FANCL: variants seen among roughly 807,000 people sequenced by gnomAD.
FANCL encodes the protein FA complementation group L, also known as E3 ubiquitin-protein ligase FANCL.
FANCL carries 69 observed loss-of-function variants against 59.4 expected under a neutral mutation model. The ratio of observed to expected loss-of-function variants is 1.16; its 90% CI spans 0.96 to 1.42. The LOEUF (loss-of-function observed/expected upper bound fraction) is 1.42. FANCL is among the 40% of genes most tolerant of loss of function. FANCL has a pLI of 0.00. For synonymous variants in FANCL, 180 were observed against 147.1 expected (o/e 1.22, Z -1.62); for missense variants, 519 against 447.2 (o/e 1.16, Z -1.45).
chr2:58,234,916 T>C (rs187420612), intron 1 of FANCL, among the ~76,000 whole-genome samples: 1 of 151,974 alleles, frequency 6.6e-6, no homozygotes, highest in East Asian at 1.9e-4. Context: ...GGACAAAACA[T>C]ATGAAACAAT....
chr2:58,163,524 T>C lies in FANCL; in HGVS notation c.692-7A>G. On this transcript the variant is annotated splice_region_variant and splice_polypyrimidine_tract_variant and intron_variant, in intron 8 of 13. Transcript: ENST00000233741. ...TTTATGGAAACATTATTACCTAGAATGAAACAAGATTAAATCTTTTAGAAG... is the reference window on the plus strand; with the variant it reads ...TTTATGGAAACATTATTACCTAGAACGAAACAAGATTAAATCTTTTAGAAG... The C allele has an allele frequency of 1.3e-6, 2 of 1,535,828 alleles. No individual in the cohort carries two copies. Among genetic ancestry groups the C allele is most frequent in the Non-Finnish European group, 1.8e-6 (2 of 1,109,582 alleles).
intron 7 of FANCL, among the ~76,000 whole-genome samples, chr2:58,185,830 A>G (rs1411116159): frequency 2.6e-5 from 4 of 152,202 alleles, no homozygotes; most frequent in East Asian, 1.9e-4. Flanking sequence ...ACTAGGGAAT[A>G]TAATTTTAGT....
At chr2:58,200,181 G>A (rs557199589) in intron 6 of FANCL, among the ~76,000 whole-genome samples, 1 of 151,706 alleles carries the variant, frequency 6.6e-6, no homozygotes, top group Admixed American at 6.6e-5. Context: ...AATATCAGAT[G>A]ATGTGCTTCA....
At chr2:58,165,393 T>C (rs914913783) in intron 8 of FANCL, among the ~76,000 whole-genome samples, 2 of 152,178 alleles carry the variant, frequency 1.3e-5, no homozygotes, top group African/African-American at 4.8e-5. Context: ...AAATGAAGAC[T>C]GCATTATTCT....
intron 7 of FANCL, among the ~76,000 whole-genome samples, chr2:58,177,262 C>G (rs1476129791): frequency 6.6e-6 from 1 of 152,022 alleles, no homozygotes; most frequent in Non-Finnish European, 1.5e-5. Flanking sequence ...ACCATTTGAC[C>G]CAGCCATCCC....
At chr2:58,161,328 T>C (rs1437388228) in intron 12 of FANCL, among the ~76,000 whole-genome samples, 194 bp downstream of exon 12, 1 of 151,928 alleles carries the variant, frequency 6.6e-6, no homozygotes, top group African/African-American at 2.4e-5. Flanking sequence ...CTTCAGAACA[T>C]TTCTCCACTC....
intron 1 of FANCL, among the ~76,000 whole-genome samples, chr2:58,239,045 C>T (rs1011463921): frequency 3.3e-5 from 5 of 152,104 alleles, no homozygotes; most frequent in African/African-American, 1.2e-4. Context: ...GCAGGCAATG[C>T]TACTCCTTAT....
At chr2:58,200,885 C>A (rs984465162) in intron 6 of FANCL, among the ~76,000 whole-genome samples, 6 of 151,314 alleles carry the variant, frequency 4.0e-5, no homozygotes, top group Non-Finnish European at 8.9e-5. Context: ...TTAGACTGAT[C>A]TTTATGCAAG....
intron 5 of FANCL, among the ~76,000 whole-genome samples, chr2:58,210,581 T>C (rs1257012877): frequency 6.6e-6 from 1 of 152,136 alleles, no homozygotes; most frequent in Non-Finnish European, 1.5e-5. Flanking sequence ...TCTTAACTTA[T>C]TTCATCATTA....
At chr2:58,234,786 A>C (rs1050302521) in intron 1 of FANCL, among the ~76,000 whole-genome samples, 20 of 152,076 alleles carry the variant, frequency 1.3e-4, no homozygotes, top group African/African-American at 4.3e-4. Flanking sequence ...AGACTTCTTA[A>C]AGCAAATTAA....
intron 5 of FANCL, among the ~76,000 whole-genome samples, chr2:58,211,073 C>T (rs1006948327): frequency 6.6e-6 from 1 of 152,220 alleles, no homozygotes; most frequent in Non-Finnish European, 1.5e-5. Flanking sequence ...TCAGTAGGGA[C>T]TCTGTGTGGG....
At chr2:58,234,638 G>A (rs1693853181) in intron 1 of FANCL, among the ~76,000 whole-genome samples, 1 of 151,936 alleles carries the variant, frequency 6.6e-6, no homozygotes, top group Non-Finnish European at 1.5e-5. Context: ...AAAGGGATAA[G>A]TGGCCACATG....
intron 7 of FANCL, among the ~76,000 whole-genome samples, chr2:58,186,350 A>G (rs1438451379): frequency 1.3e-5 from 2 of 152,160 alleles, no homozygotes; most frequent in Non-Finnish European, 2.9e-5. Context: ...CTTCATCTGT[A>G]GCATACAACA....
intron 3 of FANCL, 84 bp from the exon 4 acceptor site, chr2:58,226,868 G>A: frequency 8.7e-7 from 1 of 1,151,134 alleles, no homozygotes; most frequent in Non-Finnish European, 1.3e-6. Flanking sequence ...AGGCCCAAGT[G>A]AATGTGAAAA....
intron 7 of FANCL, among the ~76,000 whole-genome samples, chr2:58,177,140 G>A (rs563783128): frequency 6.6e-5 from 10 of 152,282 alleles, no homozygotes; most frequent in African/African-American, 2.4e-4. Flanking sequence ...AACAGGTGCT[G>A]GAGAGGATGT....
At chr2:58,188,385 T>G (rs762415491) in intron 7 of FANCL, among the ~76,000 whole-genome samples, 1 of 152,152 alleles carries the variant, frequency 6.6e-6, no homozygotes, top group Non-Finnish European at 1.5e-5. Context: ...CACAGGACCT[T>G]TGCAGCCTTT....
chr2:58,159,707 A>T lies in FANCL; in HGVS notation c.*58T>A, dbSNP rs1214043334. The T allele has an allele frequency of 6.2e-7, 1 of 1,612,028 alleles. No homozygotes were observed. The highest frequency in any genetic ancestry group is 1.3e-5 in the African/African-American group (1 of 74,694). On this transcript the variant is annotated 3_prime_UTR_variant, in exon 14 of 14. Transcript: ENST00000233741. ...TTTTTTCTCTGAAGATGATACCAAAATTCCTTTTGATAATTTTTTAAGTTT... is the reference window on the plus strand; with the variant it reads ...TTTTTTCTCTGAAGATGATACCAAATTTCCTTTTGATAATTTTTTAAGTTT...
chr2:58,170,926 G>A (rs903771259), intron 7 of FANCL, among the ~76,000 whole-genome samples: 1 of 152,006 alleles, frequency 6.6e-6, no homozygotes, highest in Non-Finnish European at 1.5e-5. Flanking sequence ...AATAATAGTG[G>A]GAGACTGTAA....
intron 1 of FANCL, among the ~76,000 whole-genome samples, chr2:58,235,660 G>C (rs574995941): frequency 1.3e-5 from 2 of 151,902 alleles, no homozygotes; most frequent in Admixed American, 6.6e-5. Flanking sequence ...AAAGAAGCAA[G>C]GCAATACCCA....
Sources: allele counts gnomAD v4.1 joint callset (sites outside exome capture counted in the v4.1 genomes callset), GRCh38; gene constraint gnomAD v4.1.1; transcripts MANE v1.5; gene names NCBI Gene and HGNC (gene_info 2026-07-23, HGNC 2026-07-21).